The following SSBP2 variants were observed in gnomAD, a reference collection of about 807,000 sequenced individuals.
The protein encoded by SSBP2 is single stranded DNA binding protein 2, also known as single-stranded DNA-binding protein 2.
SSBP2 carries 17 observed loss-of-function variants against 61.8 expected under a neutral mutation model. That is an observed-to-expected ratio of 0.28 (90% CI 0.19 to 0.41). The LOEUF is 0.41. Among genes scored for constraint, SSBP2 ranks in the 10% least tolerant of loss-of-function variants. SSBP2 has a pLI of 1.00. For missense variants in SSBP2, 310 were observed against 458.7 expected, an observed-to-expected ratio of 0.68 and a Z score of 2.96; for synonymous variants, 139 against 141.3, an observed-to-expected ratio of 0.98 and a Z score of 0.12.
rs189294154 is a variant in SSBP2 at position 81,539,311 on chromosome 5, C to T, written c.283-25594G>A. Among the ~76,000 whole-genome samples the T allele has an allele frequency of 2.5e-3, 382 of 152,204 alleles. 3 individuals carry two copies. Among genetic ancestry groups the T allele is most frequent in the Middle Eastern group, 6.8e-3 (2 of 294 alleles). The stretch of plus-strand genomic sequence containing the variant: ...TGTGACTGAATTGCTGCCAATCTCA[C>T]GATATCAAACTTGACAGATGAGTTG... On this transcript the variant is annotated intron_variant, in intron 4 of 16. Coordinates refer to ENST00000320672, the MANE Select transcript of SSBP2 (RefSeq NM_012446.5).
intron 3 of SSBP2, among the ~76,000 whole-genome samples, chr5:81,631,031 A>C (rs951370964): frequency 3.9e-5 from 6 of 152,148 alleles, no homozygotes; most frequent in Non-Finnish European, 8.8e-5. Context: ...AGGTGAGGAC[A>C]CTCAATTACA....
At chr5:81,568,395 C>T (rs891442194) in intron 4 of SSBP2, among the ~76,000 whole-genome samples, 1 of 152,168 alleles carries the variant, frequency 6.6e-6, no homozygotes, top group African/African-American at 2.4e-5. Flanking sequence ...TTGCCTCCTC[C>T]TTACCTTCTG....
intron 4 of SSBP2, among the ~76,000 whole-genome samples, chr5:81,518,695 T>C (rs976248676): frequency 6.6e-6 from 1 of 152,196 alleles, no homozygotes; most frequent in Non-Finnish European, 1.5e-5. Context: ...AGGTATCTTA[T>C]GTTGGCAACT....
Position 81,633,234 on chromosome 5 carries a change from A to G in SSBP2, c.197+3323T>C, listed in dbSNP as rs981586896. ...AGGTTCAAGCTATTCATCTGCCTCA[A>G]CCTCCTGAGTAGCTGGGATTACAGG... is the stretch of plus-strand genomic sequence containing the variant. On this transcript the variant is annotated intron_variant, in intron 3 of 16. Transcript: ENST00000320672. Among the ~76,000 whole-genome samples, 6 of 146,204 alleles carry G rather than the reference A, an allele frequency of 4.1e-5. No homozygotes were observed. The Admixed American group carries it at 4.2e-4, about 10-fold the overall frequency.
chr5:81,605,467 T>C (rs550676000), intron 4 of SSBP2, among the ~76,000 whole-genome samples: 1 of 152,272 alleles, frequency 6.6e-6, no homozygotes, highest in South Asian at 2.1e-4. Context: ...CTCCCTTTAT[T>C]ACTATTCTAG....
In SSBP2 at chr5:81,475,611, GT is replaced by G. The variant is rs201081304; in HGVS notation, c.433-1050del. ...TTCCAGCCATATCAAACTTCTTTCA[GT>G]TTTTTTTCCTATTCATGCATTCAAT... On this transcript the variant is annotated intron_variant, in intron 6 of 16. Transcript: ENST00000320672. Among the ~76,000 whole-genome samples, 96 of 151,646 alleles carry G rather than the reference GT, an allele frequency of 6.3e-4. 1 individual carries two copies. The East Asian group carries it at 0.017, about 27-fold the overall frequency.
At chr5:81,445,490 T>C (rs1763347872) in intron 12 of SSBP2, among the ~76,000 whole-genome samples, 1 of 151,998 alleles carries the variant, frequency 6.6e-6, no homozygotes, top group South Asian at 2.1e-4. Context: ...AACTTCACCA[T>C]ATAAGAACAT....
chr5:81,679,602 T>C (rs1441778935), intron 1 of SSBP2, among the ~76,000 whole-genome samples: 1 of 152,130 alleles, frequency 6.6e-6, no homozygotes, highest in Non-Finnish European at 1.5e-5. Context: ...ATAATTGATA[T>C]GCTAAAAAAG....
intron 1 of SSBP2, among the ~76,000 whole-genome samples, chr5:81,739,805 T>TA (rs1251841935): frequency 1.3e-5 from 2 of 152,220 alleles, no homozygotes; most frequent in Non-Finnish European, 2.9e-5. Flanking sequence ...CCTACTTTCT[T>TA]ACGCTATTCT....
chr5:81,547,411 A>G lies in SSBP2; in HGVS notation c.283-33694T>C, dbSNP rs1043211979. On this transcript the variant is annotated intron_variant, in intron 4 of 16. Coordinates refer to ENST00000320672, the MANE Select transcript of SSBP2 (RefSeq NM_012446.5). The stretch of plus-strand genomic sequence containing the variant: ...AATTGTATCACATCCAGACAACGGA[A>G]TATTATTCAGTGCTAAAAAGATATG... Among the ~76,000 whole-genome samples the G allele has an allele frequency of 3.3e-5, 5 of 152,180 alleles. No homozygotes were observed. The South Asian group carries it at 6.2e-4, about 19-fold the overall frequency.
chr5:81,502,136 T>C (rs1767841460), intron 5 of SSBP2, among the ~76,000 whole-genome samples: 1 of 152,100 alleles, frequency 6.6e-6, no homozygotes, highest in Non-Finnish European at 1.5e-5. Flanking sequence ...CAGCTTAACC[T>C]AGATCCACTT....
intron 4 of SSBP2, among the ~76,000 whole-genome samples, chr5:81,563,958 G>T (rs2153423722): frequency 6.6e-6 from 1 of 152,264 alleles, no homozygotes; most frequent in South Asian, 2.1e-4. Flanking sequence ...TGGAATGGAA[G>T]AAAATATTTG....
At chr5:81,465,364 T>A (rs1255780115) in intron 9 of SSBP2, among the ~76,000 whole-genome samples, 1 of 152,006 alleles carries the variant, frequency 6.6e-6, no homozygotes, top group Non-Finnish European at 1.5e-5. Context: ...TTAGTCTCCA[T>A]AGTCTAGGAA....
intron 1 of SSBP2, among the ~76,000 whole-genome samples, chr5:81,709,526 A>G (rs1339206419): frequency 6.6e-6 from 1 of 151,920 alleles, no homozygotes; most frequent in East Asian, 1.9e-4. Flanking sequence ...ATCTTAATCT[A>G]GCTCACATCT....
chr5:81,588,929 T>G (rs1775281706), intron 4 of SSBP2, among the ~76,000 whole-genome samples: 1 of 152,138 alleles, frequency 6.6e-6, no homozygotes, highest in South Asian at 2.1e-4. Context: ...CTGAGCATGT[T>G]GGCACATGCC....
chr5:81,508,856 G>A lies in SSBP2; in HGVS notation c.372+4772C>T, dbSNP rs1768381555. 2.0e-5 allele frequency among the ~76,000 whole-genome samples: 3 copies of A among 152,012 alleles called. 1 individual carries two copies. Among genetic ancestry groups the A allele is most frequent in the South Asian group, 4.1e-4 (2 of 4,822 alleles). On this transcript the variant is annotated intron_variant, in intron 5 of 16. Transcript: ENST00000320672. ...AAGTAGAGCTCAGAAATACTTAGGCGGGGACTTCATTTGCTAATTATAAAT... is the reference window on the plus strand; with the variant it reads ...AAGTAGAGCTCAGAAATACTTAGGCAGGGACTTCATTTGCTAATTATAAAT...
rs115067716 is a variant in SSBP2 at position 81,710,262 on chromosome 5, A to G, written c.62+40719T>C. ...ACAGACGAGGATTGTCTAATTAGAT[A>G]CCTTGGAAGAAAAATGTGGCTTCCT... On this transcript the variant is annotated intron_variant, in intron 1 of 16. Transcript: ENST00000320672. 5.3e-5 allele frequency among the ~76,000 whole-genome samples: 8 copies of G among 152,146 alleles called. No homozygotes were observed. The South Asian group carries it at 1.4e-3, about 28-fold the overall frequency.
At position 81,428,699 on chromosome 5, in the gene SSBP2, A is replaced by G. The variant is rs760234170; in HGVS notation, c.958-16T>C. On this transcript the variant is annotated splice_polypyrimidine_tract_variant and intron_variant, in intron 15 of 16. Transcript: ENST00000320672. Reference sequence around the variant, plus strand: ...TGGGAGAATTCTGTAAACAAGATTTAGAAAACAAGGCATTGTTGAAAATTT... The same window carrying G: ...TGGGAGAATTCTGTAAACAAGATTTGGAAAACAAGGCATTGTTGAAAATTT... The G allele has an allele frequency of 6.3e-7, 1 of 1,592,928 alleles. No homozygotes were observed. The highest frequency in any genetic ancestry group is 8.6e-7 in the Non-Finnish European group (1 of 1,161,940).
chr5:81,539,798 G>C (rs1227640817), intron 4 of SSBP2, among the ~76,000 whole-genome samples: 1 of 152,076 alleles, frequency 6.6e-6, no homozygotes, highest in African/African-American at 2.4e-5. Flanking sequence ...AGAACGTGCA[G>C]GTTTGTTACA....
Sources: allele counts gnomAD v4.1 joint callset (sites outside exome capture counted in the v4.1 genomes callset), GRCh38; gene constraint gnomAD v4.1.1; transcripts MANE v1.5; gene names NCBI Gene and HGNC (gene_info 2026-07-23, HGNC 2026-07-21).